Variants in DACH1 observed in about 807,000 individuals in gnomAD.
The protein encoded by DACH1 is dachshund family transcription factor 1.
In DACH1, 12 loss-of-function variants were observed where a neutral mutation model predicts 54.2. The observed-to-expected ratio is 0.22, with a 90% CI of 0.14 to 0.36. DACH1 has a LOEUF of 0.36. Ranked by LOEUF, DACH1 falls within the 10% of genes least tolerant of loss-of-function variation. DACH1 has a pLI of 1.00. For missense variants in DACH1, 805 were observed against 929.8 expected, an observed-to-expected ratio of 0.87 and a Z score of 1.75; for synonymous variants, 386 against 366.2, an observed-to-expected ratio of 1.05 and a Z score of -0.62.
intron 6 of DACH1, among the ~76,000 whole-genome samples, chr13:71,537,954 A>G (rs1882912206): frequency 6.6e-6 from 1 of 152,112 alleles, no homozygotes; most frequent in Non-Finnish European, 1.5e-5. Context: ...TATTTTCTCT[A>G]TGAGTTTAAA....
intron 6 of DACH1, among the ~76,000 whole-genome samples, chr13:71,534,257 G>A (rs1191086155): frequency 6.6e-6 from 1 of 151,890 alleles, no homozygotes; most frequent in African/African-American, 2.4e-5. Flanking sequence ...TTGATAGACT[G>A]AAGGTATACT....
chr13:71,667,406 T>C (rs1230498149), intron 2 of DACH1, among the ~76,000 whole-genome samples: 1 of 152,208 alleles, frequency 6.6e-6, no homozygotes, highest in African/African-American at 2.4e-5. Flanking sequence ...GATGATGGGA[T>C]GATACGCTAA....
intron 1 of DACH1, among the ~76,000 whole-genome samples, chr13:71,813,027 T>C (rs1307648127): frequency 2.0e-5 from 3 of 152,174 alleles, no homozygotes; most frequent in Non-Finnish European, 4.4e-5. Context: ...GTTTCATGCA[T>C]GGCTTATACT....
intron 6 of DACH1, among the ~76,000 whole-genome samples, chr13:71,505,169 G>A (rs1410655912): frequency 6.6e-6 from 1 of 151,872 alleles, no homozygotes; most frequent in Non-Finnish European, 1.5e-5. Flanking sequence ...TGCAACGTCC[G>A]GCTCCGAAGT....
intron 4 of DACH1, among the ~76,000 whole-genome samples, chr13:71,562,254 C>A (rs752492869): frequency 6.6e-6 from 1 of 151,974 alleles, no homozygotes; most frequent in Non-Finnish European, 1.5e-5. Flanking sequence ...TTATTTTATG[C>A]AAATAGCAAA....
intron 6 of DACH1, among the ~76,000 whole-genome samples, chr13:71,519,882 A>AGTGTATATATATATATAT (rs1403908060): frequency 2.8e-5 from 1 of 35,526 alleles, no homozygotes; most frequent in African/African-American, 9.6e-5. Flanking sequence ...AAACCAAAGT[A>AGTGTATATATATATATAT]GTATATATAT....
intron 2 of DACH1, among the ~76,000 whole-genome samples, chr13:71,669,045 G>A (rs1261858203): frequency 6.6e-6 from 1 of 152,096 alleles, no homozygotes; most frequent in Admixed American, 6.5e-5. Flanking sequence ...ATAAATAACT[G>A]GTATTCCATG....
chr13:71,652,734 TATC>T (rs1878771822), intron 2 of DACH1, among the ~76,000 whole-genome samples: 1 of 152,200 alleles, frequency 6.6e-6, no homozygotes, highest in Admixed American at 6.5e-5. Context: ...ATTATATTGT[TATC>T]ATGTGTTTAC....
intron 1 of DACH1, among the ~76,000 whole-genome samples, chr13:71,842,332 T>G (rs764925695): frequency 1.3e-5 from 2 of 151,866 alleles, no homozygotes; most frequent in Non-Finnish European, 2.9e-5. Flanking sequence ...ATCCCAGCAC[T>G]GGGAAGCCAA....
intron 1 of DACH1, among the ~76,000 whole-genome samples, chr13:71,724,614 G>A (rs1428123162): frequency 6.6e-6 from 1 of 151,756 alleles, no homozygotes; most frequent in Non-Finnish European, 1.5e-5. Context: ...AAAGTAGATG[G>A]GTTATTTCCA....
chr13:71,731,915 G>A (rs923089187), intron 1 of DACH1, among the ~76,000 whole-genome samples: 3 of 152,124 alleles, frequency 2.0e-5, no homozygotes, highest in Non-Finnish European at 2.9e-5. Context: ...GCTTCATTAT[G>A]CTGTCTCTTC....
intron 1 of DACH1, among the ~76,000 whole-genome samples, chr13:71,727,254 T>C (rs1883512646): frequency 6.6e-6 from 1 of 152,118 alleles, no homozygotes. Flanking sequence ...TACTCAAGTA[T>C]GAAAGGAGCA....
In DACH1 at chr13:71,439,819, C is replaced by T. The variant is rs1441653676; in HGVS notation, c.*836G>A. 6.6e-6 allele frequency: 1 copy of T among 152,348 alleles called. No individual in the cohort carries two copies. Among genetic ancestry groups the T allele is most frequent in the Non-Finnish European group, 1.5e-5 (1 of 67,912 alleles). The allele number at this position is 152,348 out of a possible 1,614,324, so 9.4% of individuals were successfully genotyped here. ...CTAGTATACTACTGCATACATAATA[C>T]CTTCCTTGTGTGTTTTATGTTTATA... On this transcript the variant is annotated 3_prime_UTR_variant, in exon 11 of 11. Coordinates refer to ENST00000613252, the MANE Select transcript of DACH1 (RefSeq NM_080759.6).
chr13:71,675,483 TATGATGGGAAACATTTC>T (rs1400500047), intron 2 of DACH1: 1 of 1,462,826 alleles, frequency 6.8e-7, no homozygotes, highest in Non-Finnish European at 9.3e-7. Context: ...AAGAATCCAC[TATGATGGGAAACATTTC>T]ATTCTCAAAA....
chr13:71,483,287 A>G (rs1040130890), intron 7 of DACH1, among the ~76,000 whole-genome samples: 6 of 149,978 alleles, frequency 4.0e-5, no homozygotes, highest in Non-Finnish European at 5.9e-5. Flanking sequence ...TAGCTTCCCC[A>G]TATTTTGAAT....
intron 6 of DACH1, among the ~76,000 whole-genome samples, chr13:71,497,010 T>C (rs1363467730): frequency 6.6e-6 from 1 of 152,118 alleles, no homozygotes; most frequent in African/African-American, 2.4e-5. Flanking sequence ...CCAGGCTTGA[T>C]TAAGAAAGTA....
intron 1 of DACH1, among the ~76,000 whole-genome samples, chr13:71,716,474 T>C (rs1188120188): frequency 1.3e-5 from 2 of 152,094 alleles, no homozygotes; most frequent in Admixed American, 6.6e-5. Flanking sequence ...TACTTTCACA[T>C]ATTCATGCTT....
Position 71,625,313 on chromosome 13 carries a change from G to C in DACH1, c.1126+5243C>G, listed in dbSNP as rs192357841. Among the ~76,000 whole-genome samples, 265 of 152,048 alleles carry C rather than the reference G, an allele frequency of 1.7e-3. 1 individual carries two copies. The highest frequency in any genetic ancestry group is 0.01 in the South Asian group (50 of 4,824). On this transcript the variant is annotated intron_variant, in intron 3 of 10. Coordinates refer to ENST00000613252, the MANE Select transcript of DACH1 (RefSeq NM_080759.6). The stretch of plus-strand genomic sequence containing the variant: ...TGCAGAGCTCTGCTTGGTGGCCTGC[G>C]TTCTCAGTTTCCTTTTATTTGCTTT...
rs138627971 is a variant in DACH1 at position 71,588,394 on chromosome 13, C to A, written c.1127-15382G>T. 1.2e-3 allele frequency among the ~76,000 whole-genome samples: 184 copies of A among 152,194 alleles called. 2 individuals are homozygous for A. The East Asian group carries it at 0.028, about 23-fold the overall frequency. On this transcript the variant is annotated intron_variant, in intron 3 of 10. Transcript: ENST00000613252. ...CTAATAAAAACAAAGTTTGACCACA[C>A]ATAAACTCCTCTGGGAGGTAAAAAG...
Sources: gnomAD v4.1 joint callset for allele counts (sites outside exome capture counted in the v4.1 genomes callset) on GRCh38, gnomAD v4.1.1 for gene constraint, MANE v1.5 for transcripts, NCBI Gene and HGNC (gene_info 2026-07-23, HGNC 2026-07-21) for gene names.